The following FAM110A variants were observed in gnomAD, a reference collection of about 807,000 sequenced individuals.
FAM110A encodes protein FAM110A.
A neutral mutation model predicts 4.0 loss-of-function variants in FAM110A; 1 was observed. The ratio of observed to expected loss-of-function variants is 0.25; its 90% CI spans 0.09 to 1.20. The LOEUF (loss-of-function observed/expected upper bound fraction) is 1.20. Ranked by LOEUF, FAM110A falls within the 50% of genes most tolerant of loss-of-function variation. FAM110A has a pLI of 0.50. For missense variants in FAM110A, 436 were observed against 429.2 expected (o/e 1.02, Z -0.14); for synonymous variants, 217 against 196.8 (o/e 1.10, Z -0.86).
chr20:835,213 T>C (rs113781040), intron 1 of FAM110A, among the ~76,000 whole-genome samples: 320 of 148,458 alleles, frequency 2.2e-3, no homozygotes, highest in Middle Eastern at 0.021. Flanking sequence ...TATATATATA[T>C]ACACACACAC....
Position 840,028 on chromosome 20 carries a change from T to G in FAM110A, c.-97-4680T>G, listed in dbSNP as rs1979799667. On this transcript the variant is annotated intron_variant, in intron 1 of 1. Transcript: ENST00000381941. This position sits in a 1 kb window ranked among gnomAD's most constrained non-coding sequence, Gnocchi z 4.4. Reference sequence around the variant, plus strand: ...GGGGCTGGAAAGGAAGGACTGTTCTTTTCTTTGCTATTACGAAAATCATTA... The same window carrying G: ...GGGGCTGGAAAGGAAGGACTGTTCTGTTCTTTGCTATTACGAAAATCATTA... 2.2e-6 allele frequency: 2 copies of G among 922,928 alleles called. No homozygotes were observed. The highest frequency in any genetic ancestry group is 3.3e-4 in the Middle Eastern group (1 of 3,064). The allele number at this position is 922,928 out of a possible 1,614,324, so 57.2% of individuals were successfully genotyped here. A position where few individuals can be genotyped will look rare whatever the true frequency, so the allele number is the denominator to read the frequency against.
rs1979853276 is a variant in FAM110A at position 840,952 on chromosome 20, C to T, written c.-97-3756C>T. Reference sequence around the variant, plus strand: ...CCCGTGCCTGGCACAGTGAACATCACCTGGCGGTCGTTCTGAGTGTCAGGG... The same window carrying T: ...CCCGTGCCTGGCACAGTGAACATCATCTGGCGGTCGTTCTGAGTGTCAGGG... On this transcript the variant is annotated intron_variant, in intron 1 of 1. Coordinates refer to ENST00000381941, the MANE Select transcript of FAM110A (RefSeq NM_001042353.3). The surrounding 1 kb of genome is among the most constrained non-coding windows in gnomAD (Gnocchi z 4.4). 6.6e-6 allele frequency among the ~76,000 whole-genome samples: 1 copy of T among 152,246 alleles called. No individual in the cohort carries two copies. Among genetic ancestry groups the T allele is most frequent in the Non-Finnish European group, 1.5e-5 (1 of 68,044 alleles).
At position 845,168 on chromosome 20, in the gene FAM110A, G is replaced by T; in HGVS notation, c.364G>T (p.Glu122Ter). 1 of 1,568,426 alleles carries T rather than the reference G, an allele frequency of 6.4e-7. No homozygotes were observed. The highest frequency in any genetic ancestry group is 8.6e-7 in the Non-Finnish European group (1 of 1,161,430). The change falls in exon 2 of 2, where the codon GAG becomes TAG. Residue 122 changes from glutamate (E) to a stop codon, truncating the protein, a stop_gained. Transcript: ENST00000381941. LOFTEE classifies it low-confidence loss of function (END_TRUNC). ...GTGTGACAGCCCCGTGTCCCCTGCC[G>T]AGGCCAGCCGCACTCCTGGACGGGC... ...DLCDSPVSPA[E>*]ASRTPGRAEG...
At position 834,054 on chromosome 20, in the gene FAM110A, C is replaced by T. The variant is rs1340297965; in HGVS notation, c.-98+103C>T. 3 of 152,324 alleles carry T rather than the reference C, an allele frequency of 2.0e-5. No homozygotes were observed. Among genetic ancestry groups the T allele is most frequent in the Admixed American group, 6.5e-5 (1 of 15,290 alleles). The allele number at this position is 152,324 out of a possible 1,614,324, so 9.4% of individuals were successfully genotyped here. ...CCCGCGTCGTACCTGCGTGTCATTTCACAGATGAGGACTCTGAGGCTCAGA... is the reference window on the plus strand; with the variant it reads ...CCCGCGTCGTACCTGCGTGTCATTTTACAGATGAGGACTCTGAGGCTCAGA... On this transcript the variant is annotated intron_variant, in intron 1 of 1. Transcript: ENST00000381941. The surrounding 1 kb of genome is among the most constrained non-coding windows in gnomAD (Gnocchi z 5.6).
Position 845,384 on chromosome 20 carries a change from C to T in FAM110A, c.580C>T (p.Arg194Cys), listed in dbSNP as rs751113506. Residue 194 changes from arginine to cysteine, a missense_variant, in exon 2 of 2, where the codon CGC becomes TGC. By Grantham distance (180) the Arg-to-Cys change is radical. Coordinates refer to ENST00000381941, the MANE Select transcript of FAM110A (RefSeq NM_001042353.3). ...ACGCTCCAAGTCGGACTTGAGCGAGCGCTTTTCTAGGGCAGCCGCTGATCT... is the reference window on the plus strand; with the variant it reads ...ACGCTCCAAGTCGGACTTGAGCGAGTGCTTTTCTAGGGCAGCCGCTGATCT... ...LQRSKSDLSE[R>C]FSRAAADLER... 40 of 1,612,958 alleles carry T rather than the reference C, an allele frequency of 2.5e-5. No homozygotes were observed. Among genetic ancestry groups the T allele is most frequent in the Non-Finnish European group, 3.3e-5 (39 of 1,179,740 alleles).
At chr20:837,045 GTTTTTTTTTTTT>G (rs71191980) in intron 1 of FAM110A, among the ~76,000 whole-genome samples, 4 of 82,922 alleles carry the variant, frequency 4.8e-5, no homozygotes, top group African/African-American at 1.4e-4. Context: ...ACTCTGCATT[GTTTTTTTTTTTT>G]TTTTTTTTTT....
Position 834,534 on chromosome 20 carries a change from C to T in FAM110A, c.-98+583C>T, listed in dbSNP as rs1230627553. ...TCCCTAAACCAAAGCCACTAGTCAC[C>T]AGAGACTTTGGAATTGGGAGTGGGG... On this transcript the variant is annotated intron_variant, in intron 1 of 1. Coordinates refer to ENST00000381941, the MANE Select transcript of FAM110A (RefSeq NM_001042353.3). The surrounding 1 kb of genome is among the most constrained non-coding windows in gnomAD (Gnocchi z 5.6). 6.6e-6 allele frequency among the ~76,000 whole-genome samples: 1 copy of T among 152,218 alleles called. No individual in the cohort carries two copies. Among genetic ancestry groups the T allele is most frequent in the Non-Finnish European group, 1.5e-5 (1 of 68,044 alleles).
In FAM110A at chr20:840,018, G is replaced by A; in HGVS notation, c.-97-4690G>A. 3.0e-6 allele frequency: 3 copies of A among 992,946 alleles called. 1 individual carries two copies. The highest frequency in any genetic ancestry group is 2.7e-5 in the South Asian group (2 of 72,984). 61.5% of individuals were successfully genotyped at this position (992,946 alleles called of 1,614,324 possible). On this transcript the variant is annotated intron_variant, in intron 1 of 1. Coordinates refer to ENST00000381941, the MANE Select transcript of FAM110A (RefSeq NM_001042353.3). This position sits in a 1 kb window ranked among gnomAD's most constrained non-coding sequence, Gnocchi z 4.4. ...GTCCGGGGCTGGGGCTGGAAAGGAA[G>A]GACTGTTCTTTTCTTTGCTATTACG...
At position 845,950 on chromosome 20, in the gene FAM110A, C is replaced by G; in HGVS notation, c.*258C>G. The stretch of plus-strand genomic sequence containing the variant: ...ATACAAGGTTTTTGACATGAGTGTA[C>G]TCCTGCTTAGTTCCTCTTGTGGGGC... On this transcript the variant is annotated 3_prime_UTR_variant, in exon 2 of 2. Coordinates refer to ENST00000381941, the MANE Select transcript of FAM110A (RefSeq NM_001042353.3). 1 of 637,210 alleles carries G rather than the reference C, an allele frequency of 1.6e-6. No homozygotes were observed. Among genetic ancestry groups the G allele is most frequent in the Non-Finnish European group, 2.6e-6 (1 of 382,696 alleles). 39.5% of individuals were successfully genotyped at this position (637,210 alleles called of 1,614,324 possible).
chr20:836,705 G>T (rs916834587), intron 1 of FAM110A, among the ~76,000 whole-genome samples: 1 of 152,140 alleles, frequency 6.6e-6, no homozygotes, highest in Non-Finnish European at 1.5e-5. Context: ...GTTTTTAATT[G>T]TTTTGGGTAT....
At position 844,969 on chromosome 20, in the gene FAM110A, G is replaced by C. The variant is rs1980196482; in HGVS notation, c.165G>C (p.Lys55Asn). 5.6e-6 allele frequency: 9 copies of C among 1,595,794 alleles called. No individual in the cohort carries two copies. The highest frequency in any genetic ancestry group is 7.7e-6 in the Non-Finnish European group (9 of 1,172,064). Reference sequence around the variant, plus strand: ...AGGCCGACAAGGCCAAGTACGTCAAGAGCCTGCACGTGGCCAACACCCGCC... The same window carrying C: ...AGGCCGACAAGGCCAAGTACGTCAACAGCCTGCACGTGGCCAACACCCGCC... Reference protein sequence around the residue: ...RLEADKAKYVKSLHVANTRQE... With the variant: ...RLEADKAKYVNSLHVANTRQE... Residue 55 changes from lysine (K) to asparagine (N), a missense_variant, in exon 2 of 2, where the codon AAG (lysine) becomes AAC (asparagine). Lys to Asn is a moderately conservative substitution (Grantham distance 94, BLOSUM62 0). Transcript: ENST00000381941.
chr20:837,888 G>A (rs1979663633), intron 1 of FAM110A, among the ~76,000 whole-genome samples: 2 of 152,036 alleles, frequency 1.3e-5, no homozygotes, highest in Admixed American at 1.3e-4. Context: ...GAGGAGGCTT[G>A]GTGCTTAGGG....
chr20:835,825 C>T (rs1979547416), intron 1 of FAM110A, among the ~76,000 whole-genome samples: 1 of 152,188 alleles, frequency 6.6e-6, no homozygotes, highest in African/African-American at 2.4e-5. Context: ...GCTGGGGCTG[C>T]CCTGCTGGCT....
At chr20:836,269 A>G (rs6108032) in intron 1 of FAM110A, among the ~76,000 whole-genome samples, 21,543 of 146,572 alleles carry the variant, frequency 0.15, 2,325 homozygotes, top group African/African-American at 0.29. Flanking sequence ...GGGGTGGGGC[A>G]GTGAATGAAT....
Position 845,432 on chromosome 20 carries a change from G to C in FAM110A, c.628G>C (p.Gly210Arg), listed in dbSNP as rs759403971. 6.2e-7 allele frequency: 1 copy of C among 1,613,760 alleles called. No homozygotes were observed. Among genetic ancestry groups the C allele is most frequent in the South Asian group, 1.1e-5 (1 of 91,072 alleles). ...TCTCGAGCGCTTTTTTAACTTCTGC[G>C]GCCTGGACCCGGAGGAGGCGAGAGG... ...ADLERFFNFC[G>R]LDPEEARGLG... Residue 210 changes from glycine to arginine, a missense_variant, in exon 2 of 2, where the codon GGC becomes CGC. Gly to Arg is a moderately radical substitution (Grantham distance 125). Transcript: ENST00000381941.
At position 845,397 on chromosome 20, in the gene FAM110A, C is replaced by A; in HGVS notation, c.593C>A (p.Ala198Glu). 1 of 1,613,556 alleles carries A rather than the reference C, an allele frequency of 6.2e-7. No homozygotes were observed. Among genetic ancestry groups the A allele is most frequent in the East Asian group, 2.2e-5 (1 of 44,876 alleles). Residue 198 changes from alanine to glutamate, a missense_variant, in exon 2 of 2, where the codon GCA becomes GAA. Ala to Glu is a moderately radical substitution (Grantham distance 107). Coordinates refer to ENST00000381941, the MANE Select transcript of FAM110A (RefSeq NM_001042353.3). ...GACTTGAGCGAGCGCTTTTCTAGGG[C>A]AGCCGCTGATCTCGAGCGCTTTTTT... ...KSDLSERFSR[A>E]AADLERFFNF... is the part of the protein sequence containing the mutation.
intron 1 of FAM110A, among the ~76,000 whole-genome samples, chr20:835,867 TCTC>T (rs1415484941): frequency 6.6e-6 from 1 of 151,604 alleles, no homozygotes; most frequent in Non-Finnish European, 1.5e-5. Context: ...GCCTTCCCAA[TCTC>T]CTCTGGGGCA....
Position 835,164 on chromosome 20 carries a change from ATCTCTC to A in FAM110A, c.-98+1245_-98+1250del, listed in dbSNP as rs143746608. On this transcript the variant is annotated intron_variant, in intron 1 of 1. Coordinates refer to ENST00000381941, the MANE Select transcript of FAM110A (RefSeq NM_001042353.3). Reference sequence around the variant, plus strand: ...AGCCTTCATGAAGTGCAGTCCTCCCATCTCTCTCTCTCTCTCTCTCTCTCTCTCTCT... The same window carrying A: ...AGCCTTCATGAAGTGCAGTCCTCCCATCTCTCTCTCTCTCTCTCTCTCTCT... Among the ~76,000 whole-genome samples the A allele has an allele frequency of 9.7e-3, 1,316 of 136,334 alleles. 29 individuals are homozygous for A. Among genetic ancestry groups the A allele is most frequent in the African/African-American group, 0.033 (1,178 of 36,016 alleles). The allele number at this position is 136,334 out of a possible 152,430, so 89.4% of individuals were successfully genotyped here.
intron 1 of FAM110A, among the ~76,000 whole-genome samples, chr20:837,045 G>GTTTTTTTTTT (rs71191980): frequency 4.8e-5 from 4 of 82,922 alleles, no homozygotes; most frequent in African/African-American, 1.4e-4. Context: ...ACTCTGCATT[G>GTTTTTTTTTT]TTTTTTTTTT....
Sources: allele counts gnomAD v4.1 joint callset (sites outside exome capture counted in the v4.1 genomes callset), GRCh38; gene constraint gnomAD v4.1.1; non-coding constraint Gnocchi (gnomAD v3.1); transcripts MANE v1.5; gene names NCBI Gene and HGNC (gene_info 2026-07-23, HGNC 2026-07-21).